TBC1D22A: variants seen among roughly 807,000 people sequenced by gnomAD.
TBC1D22A encodes TBC1 domain family member 22A.
In TBC1D22A, 38 loss-of-function variants were observed where a neutral mutation model predicts 60.2. That is an observed-to-expected ratio of 0.63 (90% CI 0.49 to 0.83). The LOEUF (loss-of-function observed/expected upper bound fraction) is 0.83. Among genes scored for constraint, TBC1D22A ranks in the 40% least tolerant of loss-of-function variants. The pLI is 0.00. For synonymous variants in TBC1D22A, 302 were observed against 281.7 expected (o/e 1.07, Z -0.72); for missense variants, 628 against 701.0 (o/e 0.90, Z 1.18).
intron 11 of TBC1D22A, among the ~76,000 whole-genome samples, chr22:47,104,163 A>G (rs1350744165): frequency 3.3e-5 from 5 of 151,884 alleles, no homozygotes; most frequent in South Asian, 2.1e-4. Flanking sequence ...AAAATTAGCT[A>G]GGTGTGGTGG....
chr22:47,080,318 C>A (rs2064411127), intron 11 of TBC1D22A, among the ~76,000 whole-genome samples: 1 of 152,150 alleles, frequency 6.6e-6, no homozygotes, highest in Non-Finnish European at 1.5e-5. Context: ...ATGGCAGATA[C>A]CCAACAACAT....
At chr22:46,793,901 G>C (rs1431973215) in intron 3 of TBC1D22A, 60 bp downstream of exon 3, 2 of 1,429,640 alleles carry the variant, frequency 1.4e-6, no homozygotes. Context: ...AAAGTGGCCA[G>C]AACACACTCA....
intron 8 of TBC1D22A, among the ~76,000 whole-genome samples, chr22:46,952,279 T>A (rs564661689): frequency 9.8e-6 from 1 of 102,256 alleles, no homozygotes; most frequent in South Asian, 2.9e-4. Flanking sequence ...TCACCATCAT[T>A]TTCGGCTTCT....
intron 12 of TBC1D22A, among the ~76,000 whole-genome samples, chr22:47,137,439 C>T (rs1702692306): frequency 6.6e-6 from 1 of 152,168 alleles, no homozygotes; most frequent in African/African-American, 2.4e-5. Flanking sequence ...CATGTACTGC[C>T]CCTTAGCGAG....
chr22:46,856,150 G>C (rs1378109148), intron 4 of TBC1D22A, among the ~76,000 whole-genome samples: 1 of 152,184 alleles, frequency 6.6e-6, no homozygotes, highest in Non-Finnish European at 1.5e-5. Context: ...GGTACAGCAC[G>C]TGCCAGAGAG....
chr22:46,994,089 C>G (rs548744858), intron 9 of TBC1D22A, among the ~76,000 whole-genome samples: 19 of 152,318 alleles, frequency 1.2e-4, no homozygotes, highest in African/African-American at 3.8e-4. Flanking sequence ...AAATGCAGAC[C>G]TTTTCGTTAT....
chr22:46,865,027 T>C (rs2066984794), intron 4 of TBC1D22A, among the ~76,000 whole-genome samples: 1 of 152,218 alleles, frequency 6.6e-6, no homozygotes, highest in Admixed American at 6.5e-5. Context: ...GTCCAAATAC[T>C]GGTGGTGGTC....
chr22:46,913,078 T>C (rs73888455), intron 8 of TBC1D22A, among the ~76,000 whole-genome samples: 14,738 of 152,234 alleles, frequency 0.097, 1,436 homozygotes, highest in African/African-American at 0.25. Flanking sequence ...ATGCTGTTTC[T>C]TTTTAAGTAC....
rs1235843202 is a variant in TBC1D22A at position 47,111,562 on chromosome 22, G to C, written c.1384G>C (p.Val462Leu). 4.3e-6 allele frequency: 7 copies of C among 1,614,122 alleles called. No individual in the cohort carries two copies. Among genetic ancestry groups the C allele is most frequent in the Non-Finnish European group, 5.9e-6 (7 of 1,180,002 alleles). ...FHLYVCAAFL[V>L]RWRKEILEEK... ...CTTGTACGTGTGCGCTGCTTTTCTC[G>C]TGAGATGGAGGAAGGAAATACTAGA... is the stretch of plus-strand genomic sequence containing the variant. The change falls in exon 12 of 13, where the codon GTG becomes CTG. Residue 462 changes from valine to leucine, a missense_variant. Coordinates refer to ENST00000337137, the MANE Select transcript of TBC1D22A (RefSeq NM_014346.5).
At chr22:47,143,943 G>A (rs55884272) in intron 12 of TBC1D22A, among the ~76,000 whole-genome samples, 36,441 of 152,058 alleles carry the variant, frequency 0.24, 4,697 homozygotes, top group Non-Finnish European at 0.29. Context: ...TTCTGCTCCA[G>A]CATCCTGTGT....
intron 4 of TBC1D22A, among the ~76,000 whole-genome samples, chr22:46,843,265 C>G (rs534540708): frequency 3.9e-5 from 6 of 152,206 alleles, no homozygotes; most frequent in African/African-American, 1.2e-4. Context: ...TAATACAAAC[C>G]ACCACCTGCA....
chr22:47,051,737 C>T (rs781539224), intron 11 of TBC1D22A, among the ~76,000 whole-genome samples: 7 of 152,348 alleles, frequency 4.6e-5, no homozygotes, highest in Non-Finnish European at 4.4e-5. Context: ...CAGGACTGCT[C>T]CTCTCCAGCT....
intron 1 of TBC1D22A, among the ~76,000 whole-genome samples, chr22:46,784,196 C>T (rs964571952): frequency 3.3e-5 from 5 of 152,038 alleles, no homozygotes; most frequent in Admixed American, 6.6e-5. Context: ...CAGGTACATG[C>T]CACTGTGCCT....
chr22:47,066,360 C>T (rs376369440), intron 11 of TBC1D22A, among the ~76,000 whole-genome samples: 2 of 151,548 alleles, frequency 1.3e-5, no homozygotes, highest in Non-Finnish European at 2.9e-5. Flanking sequence ...TGTGCCGGGA[C>T]GTACGTGCGG....
chr22:47,130,859 A>T (rs541578829), intron 12 of TBC1D22A, among the ~76,000 whole-genome samples: 2 of 152,202 alleles, frequency 1.3e-5, no homozygotes, highest in Non-Finnish European at 2.9e-5. Flanking sequence ...TTGCATTGCT[A>T]TAAAGGAACA....
In TBC1D22A at chr22:47,140,245, G is replaced by T. The variant is rs375647760; in HGVS notation, c.1425+28642G>T. Reference sequence around the variant, plus strand: ...TCTTCTCGGTGGCCCAGGCTGCTCCGCTTATTTTAAGATAGAGCTCATCGG... The same window carrying T: ...TCTTCTCGGTGGCCCAGGCTGCTCCTCTTATTTTAAGATAGAGCTCATCGG... On this transcript the variant is annotated intron_variant, in intron 12 of 12. Coordinates refer to ENST00000337137, the MANE Select transcript of TBC1D22A (RefSeq NM_014346.5). Among the ~76,000 whole-genome samples the T allele has an allele frequency of 4.7e-4, 71 of 150,954 alleles. 1 individual carries two copies. Among genetic ancestry groups the T allele is most frequent in the Admixed American group, 2.3e-3 (35 of 15,160 alleles).
intron 4 of TBC1D22A, among the ~76,000 whole-genome samples, chr22:46,830,162 C>A (rs577475499): frequency 6.6e-6 from 1 of 152,284 alleles, no homozygotes; most frequent in Admixed American, 6.5e-5. Flanking sequence ...TCAGGCGTGC[C>A]GCACCCAAGG....
At chr22:46,779,945 C>T (rs905161501) in intron 1 of TBC1D22A, among the ~76,000 whole-genome samples, 8 of 152,324 alleles carry the variant, frequency 5.3e-5, no homozygotes, top group African/African-American at 4.8e-5. Flanking sequence ...TGTTGACCCT[C>T]GGGGTGGGCA....
chr22:46,807,855 C>T (rs1173054946), intron 4 of TBC1D22A, among the ~76,000 whole-genome samples: 1 of 152,128 alleles, frequency 6.6e-6, no homozygotes, highest in African/African-American at 2.4e-5. Flanking sequence ...GTAATCCCAG[C>T]AGTTGGGAGG....
Sources: allele counts gnomAD v4.1 joint callset (sites outside exome capture counted in the v4.1 genomes callset), GRCh38; gene constraint gnomAD v4.1.1; transcripts MANE v1.5; gene names NCBI Gene and HGNC (gene_info 2026-07-23, HGNC 2026-07-21).